Variants in DYDC2 observed in about 807,000 individuals in gnomAD.
The protein encoded by DYDC2 is DPY30 domain containing 2, also known as DPY30 domain-containing protein 2.
Under a neutral mutation model 18.7 loss-of-function variants are expected in DYDC2, and 19 were observed. The observed-to-expected ratio is 1.02, with a 90% CI of 0.71 to 1.49. The LOEUF (loss-of-function observed/expected upper bound fraction) is 1.49, where lower values mean the gene tolerates loss of function less well. Among genes scored for constraint, DYDC2 ranks in the 40% most tolerant of loss-of-function variants. The pLI, the probability that DYDC2 is intolerant of heterozygous loss-of-function variation, is 0.00. For synonymous variants in DYDC2, 63 were observed against 67.6 expected, an observed-to-expected ratio of 0.93 and a Z score of 0.34; for missense variants, 179 against 205.1, an observed-to-expected ratio of 0.87 and a Z score of 0.78.
chr10:80,360,097 G>A (rs1408392220), intron 2 of DYDC2, among the ~76,000 whole-genome samples: 1 of 152,218 alleles, frequency 6.6e-6, no homozygotes, highest in Non-Finnish European at 1.5e-5. Context: ...AGTAAGAGGG[G>A]TGTAGAAGTT....
intron 1 of DYDC2, among the ~76,000 whole-genome samples, chr10:80,349,336 T>C (rs1183549320): frequency 6.6e-6 from 1 of 152,236 alleles, no homozygotes; most frequent in Non-Finnish European, 1.5e-5. Flanking sequence ...GTGATTATTA[T>C]TTGAATTTCA....
chr10:80,362,331 T>A, intron 2 of DYDC2, 104 bp from the exon 3 acceptor site: 1 of 1,442,398 alleles, frequency 6.9e-7, no homozygotes, highest in Admixed American at 2.1e-5. Flanking sequence ...TCCAGAAGCA[T>A]CTCATATTTA....
At chr10:80,349,264 A>G (rs1259065012) in intron 1 of DYDC2, among the ~76,000 whole-genome samples, 3 of 152,260 alleles carry the variant, frequency 2.0e-5, no homozygotes, top group Admixed American at 2.0e-4. Context: ...GTGAAATGTT[A>G]TCTTTTAAAA....
Position 80,362,981 on chromosome 10 carries a change from G to C in DYDC2, c.178G>C (p.Glu60Gln), listed in dbSNP as rs1158567341. ...GGAAAAGAAGATCCACCTGCAGGAG[G>C]AATATGACAGTAGCCTCAAGGAAAT... ...NREKKIHLQEEYDSSLKEMEM... is the reference protein window; with the variant it reads ...NREKKIHLQEQYDSSLKEMEM... Residue 60 changes from glutamate to glutamine, a missense_variant, in exon 4 of 5, where the codon GAA (glutamate) becomes CAA (glutamine). Physicochemically the swap from Glu to Gln is conservative, Grantham distance 29. Transcript: ENST00000256039. 6.2e-7 allele frequency: 1 copy of C among 1,613,004 alleles called. No homozygotes were observed. The highest frequency in any genetic ancestry group is 2.2e-5 in the East Asian group (1 of 44,888).
chr10:80,352,430 T>G, upstream of DYDC2: 1 of 1,538,210 alleles, frequency 6.5e-7, no homozygotes, highest in Non-Finnish European at 8.7e-7. Context: ...TTCTTCTAAT[T>G]TCCTAGAAGG....
intron 2 of DYDC2, among the ~76,000 whole-genome samples, chr10:80,359,449 C>T (rs942301162): frequency 3.3e-5 from 5 of 152,234 alleles, no homozygotes; most frequent in Non-Finnish European, 7.3e-5. Flanking sequence ...GTGGATCCCG[C>T]ATCAGGGCTG....
At chr10:80,358,281 G>A (rs888085063) in intron 2 of DYDC2, among the ~76,000 whole-genome samples, 6 of 152,222 alleles carry the variant, frequency 3.9e-5, no homozygotes, top group Non-Finnish European at 5.9e-5. Flanking sequence ...AGGAGGCTGA[G>A]ACAGCGGAAT....
At chr10:80,345,551 C>A (rs763881536) in intron 1 of DYDC2, among the ~76,000 whole-genome samples, 4 of 152,144 alleles carry the variant, frequency 2.6e-5, no homozygotes, top group Non-Finnish European at 5.9e-5. Flanking sequence ...CAATTTTGTA[C>A]ATTTTGACCT....
chr10:80,358,587 CCT>C (rs774825343), intron 2 of DYDC2, among the ~76,000 whole-genome samples: 4 of 152,166 alleles, frequency 2.6e-5, no homozygotes, highest in African/African-American at 4.8e-5. Context: ...GCAGCCACCC[CCT>C]GACTAGAGAA....
At chr10:80,354,741 A>G (rs1398829466), upstream of DYDC2, among the ~76,000 whole-genome samples, 5 of 152,112 alleles carry the variant, frequency 3.3e-5, no homozygotes, top group African/African-American at 1.2e-4. Flanking sequence ...ATCTGAGAAT[A>G]AAACTAGAAG....
At position 80,359,615 on chromosome 10, in the gene DYDC2, G is replaced by A. The variant is rs139754841; in HGVS notation, c.-10+1570G>A. ...GGTGCGGGGGAGGCTCGGGCATGGC[G>A]GGCTGCATGTCCGGAGCCCCGTGGG... On this transcript the variant is annotated intron_variant, in intron 2 of 4. Coordinates refer to ENST00000256039, the MANE Select transcript of DYDC2 (RefSeq NM_032372.6). 5.9e-3 allele frequency among the ~76,000 whole-genome samples: 906 copies of A among 152,274 alleles called. 18 individuals carry two copies. Among genetic ancestry groups the A allele is most frequent in the Non-Finnish European group, 2.7e-3 (184 of 68,018 alleles).
upstream of DYDC2, chr10:80,356,476 G>A (rs1843374760): frequency 1.0e-6 from 1 of 985,242 alleles, no homozygotes; most frequent in African/African-American, 1.7e-5. Context: ...TTCCCACCCG[G>A]GAGTCTGGAA....
chr10:80,363,899 C>T lies in DYDC2; in HGVS notation c.270+826C>T, dbSNP rs961575442. 4.6e-5 allele frequency among the ~76,000 whole-genome samples: 7 copies of T among 152,110 alleles called. No homozygotes were observed. In the South Asian group the frequency reaches 1.0e-3, roughly 23 times the overall value. The stretch of plus-strand genomic sequence containing the variant: ...ATGTAAGTTATTAAGCTGGAATAGC[C>T]GAAGACAACTCTGCATTCGTCAGTC... On this transcript the variant is annotated intron_variant, in intron 4 of 4. Coordinates refer to ENST00000256039, the MANE Select transcript of DYDC2 (RefSeq NM_032372.6).
intron 1 of DYDC2, among the ~76,000 whole-genome samples, chr10:80,345,855 A>G (rs1842588141): frequency 6.6e-6 from 1 of 152,122 alleles, no homozygotes. Context: ...TATACATGAG[A>G]AATACATCTT....
intron 4 of DYDC2, among the ~76,000 whole-genome samples, chr10:80,364,130 G>A (rs1182647600): frequency 2.0e-5 from 3 of 152,134 alleles, no homozygotes; most frequent in Non-Finnish European, 4.4e-5. Context: ...CAATTCACCA[G>A]CATTTGTTAG....
intron 4 of DYDC2, among the ~76,000 whole-genome samples, chr10:80,366,028 C>CTTTTTTTTTTTTTTTTT (rs770351822): frequency 1.1e-5 from 1 of 90,326 alleles, no homozygotes; most frequent in African/African-American, 4.0e-5. Flanking sequence ...TTTTCTTTCT[C>CTTTTTTTTTTTTTTTTT]TTTTTTTTTT....
chr10:80,366,582 G>T, intron 4 of DYDC2, 106 bp from the exon 5 acceptor site: 2 of 1,341,776 alleles, frequency 1.5e-6, no homozygotes, highest in Non-Finnish European at 2.0e-6. Context: ...ATTTCAGTTT[G>T]GTTCTTAGTC....
chr10:80,352,294 T>C, upstream of DYDC2: 1 of 1,095,864 alleles, frequency 9.1e-7, no homozygotes, highest in South Asian at 2.2e-5. Context: ...AAGTCTTCTT[T>C]GGGTAATGTT....
rs147250644 is a variant in DYDC2 at position 80,366,696 on chromosome 10, T to C, written c.279T>C (p.Thr93=). Residue 93 remains threonine (T), a synonymous_variant, in exon 5 of 5, where the codon ACT becomes ACC. Transcript: ENST00000256039. ...QNCEKCHKEL[T]SETVSTKKTI... is the part of the protein sequence containing the mutation. ...TTTTGTTTTCTATTTAGGAACTGAC[T>C]TCTGAAACTGTTTCCACGAAGAAGA... 54 of 1,601,646 alleles carry C rather than the reference T, an allele frequency of 3.4e-5. No individual in the cohort carries two copies. In the African/African-American group the frequency reaches 6.1e-4, roughly 18 times the overall value.
Sources: allele counts gnomAD v4.1 joint callset (sites outside exome capture counted in the v4.1 genomes callset), GRCh38; gene constraint gnomAD v4.1.1; transcripts MANE v1.5; gene names NCBI Gene and HGNC (gene_info 2026-07-23, HGNC 2026-07-21).